Variants in BBX observed in about 807,000 individuals in gnomAD.
The protein encoded by BBX is BBX high mobility group box domain containing, also known as HMG box transcription factor BBX.
BBX carries 30 observed loss-of-function variants against 100.2 expected under a neutral mutation model. That is an observed-to-expected ratio of 0.30 (90% confidence interval 0.22 to 0.41). The LOEUF (loss-of-function observed/expected upper bound fraction) is 0.41, where lower values mean the gene tolerates loss of function less well. Among genes scored for constraint, BBX ranks in the 10% least tolerant of loss-of-function variants. The pLI is 1.00. For synonymous variants in BBX, 376 were observed against 388.1 expected (o/e 0.97, Z 0.37); for missense variants, 1,023 against 1,129.8 (o/e 0.91, Z 1.35).
intron 2 of BBX, among the ~76,000 whole-genome samples, chr3:107,613,657 C>T (rs1465737658): frequency 2.0e-5 from 3 of 151,874 alleles, no homozygotes; most frequent in Non-Finnish European, 4.4e-5. Context: ...GGAAAAAACC[C>T]ATCCATCACA....
chr3:107,724,200 A>T (rs989267790), intron 5 of BBX, among the ~76,000 whole-genome samples: 1 of 152,172 alleles, frequency 6.6e-6, no homozygotes, highest in Non-Finnish European at 1.5e-5. Flanking sequence ...TTGGCTGCAT[A>T]AATGTCTTCT....
chr3:107,715,334 GA>G (rs2062024513), intron 4 of BBX, among the ~76,000 whole-genome samples: 1 of 152,158 alleles, frequency 6.6e-6, no homozygotes, highest in African/African-American at 2.4e-5. Flanking sequence ...TGTTTTAACA[GA>G]ACCTCCAGGG....
At position 107,778,501 on chromosome 3, in the gene BBX, C is replaced by A. The variant is rs758844413; in HGVS notation, c.2185C>A (p.Pro729Thr). The change falls in exon 13 of 18, where the codon CCG (proline) becomes ACG (threonine). Residue 729 changes from proline to threonine, a missense_variant. Pro to Thr is a conservative substitution (Grantham distance 38). Transcript: ENST00000325805. Reference protein sequence around the residue: ...KKKTGNVSSEPTKTSKGPFQS... With the variant: ...KKKTGNVSSETTKTSKGPFQS... ...GAAGACTGGAAATGTGTCCTCAGAA[C>A]CGACTAAAACCAGCAAAGGTTAGGT... 2 of 1,612,976 alleles carry A rather than the reference C, an allele frequency of 1.2e-6. No homozygotes were observed. Among genetic ancestry groups the A allele is most frequent in the Non-Finnish European group, 1.7e-6 (2 of 1,179,342 alleles).
At position 107,573,447 on chromosome 3, in the gene BBX, C is replaced by T. The variant is rs1423344236; in HGVS notation, c.-84+47049C>T. Among the ~76,000 whole-genome samples, 4 of 152,060 alleles carry T rather than the reference C, an allele frequency of 2.6e-5. No homozygotes were observed. The East Asian group carries it at 5.8e-4, about 22-fold the overall frequency. On this transcript the variant is annotated intron_variant, in intron 2 of 17. Transcript: ENST00000325805. ...GCGGGCATCTGTAGTCCCAGCTGCTCGGGAGGCTGAGGCAGCAGAATCGCT... is the reference window on the plus strand; with the variant it reads ...GCGGGCATCTGTAGTCCCAGCTGCTTGGGAGGCTGAGGCAGCAGAATCGCT...
chr3:107,744,289 A>T (rs2064384241), intron 7 of BBX, among the ~76,000 whole-genome samples: 1 of 152,088 alleles, frequency 6.6e-6, no homozygotes, highest in Non-Finnish European at 1.5e-5. Flanking sequence ...ATTTTTTAGC[A>T]TTGGGAGAGG....
intron 7 of BBX, among the ~76,000 whole-genome samples, chr3:107,737,865 G>A (rs910793123): frequency 7.9e-6 from 1 of 126,962 alleles, no homozygotes; most frequent in Non-Finnish European, 1.6e-5. Flanking sequence ...CTTGGGACCA[G>A]AAGTACTTCA....
chr3:107,650,356 C>G (rs2057768083), intron 3 of BBX, among the ~76,000 whole-genome samples: 1 of 152,078 alleles, frequency 6.6e-6, no homozygotes, highest in Non-Finnish European at 1.5e-5. Context: ...GCCTGATGAT[C>G]TGAGGTGGAA....
At chr3:107,557,370 A>G (rs2050162169) in intron 2 of BBX, among the ~76,000 whole-genome samples, 1 of 152,240 alleles carries the variant, frequency 6.6e-6, no homozygotes, top group Non-Finnish European at 1.5e-5. Flanking sequence ...GACTTTCGTT[A>G]GCTAAAGCCT....
At chr3:107,523,365 C>T (rs2047504011) in intron 1 of BBX, 1 of 152,504 alleles carries the variant, frequency 6.6e-6, no homozygotes, top group Non-Finnish European at 1.5e-5. Context: ...CGGGAGAGGT[C>T]GGGGGCGAGG....
At chr3:107,683,205 G>A (rs186946844) in intron 3 of BBX, among the ~76,000 whole-genome samples, 268 of 152,076 alleles carry the variant, frequency 1.8e-3, no homozygotes, top group African/African-American at 5.9e-3. Context: ...TATTTTTATT[G>A]ATTGATTTTG....
chr3:107,723,068 T>A (rs542916231), intron 5 of BBX, among the ~76,000 whole-genome samples: 1 of 152,172 alleles, frequency 6.6e-6, no homozygotes, highest in Admixed American at 6.6e-5. Flanking sequence ...AATTTTCTAG[T>A]TTAATCTCTT....
chr3:107,746,180 T>C (rs190878225), intron 8 of BBX, among the ~76,000 whole-genome samples: 29 of 152,294 alleles, frequency 1.9e-4, no homozygotes, highest in African/African-American at 6.5e-4. Flanking sequence ...TAACCTACAA[T>C]ATTTGTGTAT....
In BBX at chr3:107,747,910, T is replaced by C. The variant is rs1318403003; in HGVS notation, c.751-55T>C. 34 of 1,444,996 alleles carry C rather than the reference T, an allele frequency of 2.4e-5. No homozygotes were observed. The East Asian group carries it at 5.0e-4, about 21-fold the overall frequency. 89.5% of individuals were successfully genotyped at this position (1,444,996 alleles called of 1,614,324 possible). Reference sequence around the variant, plus strand: ...GTTGAAAATATATGGCAGAATCTTATGATCTGATGTGGAAAAATGTCATTG... The same window carrying C: ...GTTGAAAATATATGGCAGAATCTTACGATCTGATGTGGAAAAATGTCATTG... On this transcript the variant is annotated intron_variant, in intron 8 of 17. Coordinates refer to ENST00000325805, the MANE Select transcript of BBX (RefSeq NM_001142568.3).
chr3:107,577,447 A>G (rs554764321), intron 2 of BBX, among the ~76,000 whole-genome samples: 1 of 152,228 alleles, frequency 6.6e-6, no homozygotes, highest in South Asian at 2.1e-4. Flanking sequence ...TTCTGCTACT[A>G]TCTTACTAGG....
intron 2 of BBX, among the ~76,000 whole-genome samples, chr3:107,617,645 C>A (rs56365846): frequency 0.016 from 2,456 of 152,154 alleles, 27 homozygotes; most frequent in South Asian, 0.046. Flanking sequence ...TTGTAATCTT[C>A]ATTTTAGTGT....
chr3:107,525,752 GA>G lies in BBX; in HGVS notation c.-155-573del, dbSNP rs1298039284. Among the ~76,000 whole-genome samples, 69 of 152,178 alleles carry G rather than the reference GA, an allele frequency of 4.5e-4. 1 individual carries two copies. The highest frequency in any genetic ancestry group is 1.6e-3 in the African/African-American group (66 of 41,430). ...TGCACTTGCCGCTGTGGGCTTTGGC[GA>G]ATGTGTTTTCCCTGGTCGGTTCCTA... On this transcript the variant is annotated intron_variant, in intron 1 of 17. Coordinates refer to ENST00000325805, the MANE Select transcript of BBX (RefSeq NM_001142568.3).
chr3:107,738,678 G>A (rs1490909637), intron 7 of BBX, among the ~76,000 whole-genome samples: 1 of 152,158 alleles, frequency 6.6e-6, no homozygotes, highest in East Asian at 1.9e-4. Flanking sequence ...TTCAGCCTCT[G>A]ACAATCCAAC....
At position 107,774,744 on chromosome 3, in the gene BBX, C is replaced by T. The variant is rs777900047; in HGVS notation, c.1941C>T (p.Asn647=). 25 of 1,613,252 alleles carry T rather than the reference C, an allele frequency of 1.5e-5. No individual in the cohort carries two copies. The African/African-American group carries it at 3.2e-4, about 21-fold the overall frequency. ...GAAAACGAAGCTCAGGAAAAGGAAA[C>T]TCCTCTGATCATGAAGGGTGTTGGA... The part of the protein sequence containing the change: ...DRGKRSSGKG[N]SSDHEGCWNE... Residue 647 remains asparagine, a synonymous_variant, in exon 12 of 18, where the codon AAC becomes AAT. Coordinates refer to ENST00000325805, the MANE Select transcript of BBX (RefSeq NM_001142568.3).
Position 107,530,991 on chromosome 3 carries a change from G to T in BBX, c.-84+4593G>T, listed in dbSNP as rs200303397. On this transcript the variant is annotated intron_variant, in intron 2 of 17. Transcript: ENST00000325805. ...TGGAGGTCTCTAGGCCTCATCCTTT[G>T]ATATTCTCATTCAGTGTTTCTGGGG... 2.0e-5 allele frequency among the ~76,000 whole-genome samples: 3 copies of T among 152,284 alleles called. No individual in the cohort carries two copies. In the East Asian group the frequency reaches 5.8e-4, roughly 29 times the overall value.
Sources: allele counts gnomAD v4.1 joint callset (sites outside exome capture counted in the v4.1 genomes callset), GRCh38; gene constraint gnomAD v4.1.1; transcripts MANE v1.5; gene names NCBI Gene and HGNC (gene_info 2026-07-23, HGNC 2026-07-21).